The following PSD3 variants were observed in gnomAD, a reference collection of about 807,000 sequenced individuals.
The protein encoded by PSD3 is pleckstrin and Sec7 domain containing 3.
A neutral mutation model predicts 105.5 loss-of-function variants in PSD3; 49 were observed. The ratio of observed to expected loss-of-function variants is 0.46; its 90% CI spans 0.37 to 0.59. PSD3 has a LOEUF of 0.59. Ranked by LOEUF, PSD3 falls within the 20% of genes least tolerant of loss-of-function variation. The probability of loss-of-function intolerance (pLI) is 0.00; values close to 1 mark genes in which losing one functional copy is unlikely to be tolerated. For missense variants in PSD3, 1,561 were observed against 1,263.8 expected, an observed-to-expected ratio of 1.24 and a Z score of -3.57; for synonymous variants, 557 against 457.8, an observed-to-expected ratio of 1.22 and a Z score of -2.77.
chr8:18,620,325 A>C (rs1455368761), intron 11 of PSD3, among the ~76,000 whole-genome samples: 1 of 148,222 alleles, frequency 6.7e-6, no homozygotes, highest in East Asian at 2.0e-4. Context: ...TACTTACTGA[A>C]GGGTTCTTGG....
rs1461583155 is a variant in PSD3, at chr8:18,528,037, C to T, written c.*7706G>A. The T allele has an allele frequency of 6.6e-6, 1 of 152,166 alleles. No homozygotes were observed. Among genetic ancestry groups the T allele is most frequent in the African/African-American group, 2.4e-5 (1 of 41,434 alleles). The allele number at this position is 152,166 out of a possible 1,614,324, so 9.4% of individuals were successfully genotyped here. A position where few individuals can be genotyped will look rare whatever the true frequency, so the allele number is the denominator to read the frequency against. On this transcript the variant is annotated 3_prime_UTR_variant, in exon 16 of 16. Transcript: ENST00000327040. ...AATATAACTCAGTTATTATAATAGGCTGGAAAAGTTAAAAGCTTCTTTTAT... is the reference window on the plus strand; with the variant it reads ...AATATAACTCAGTTATTATAATAGGTTGGAAAAGTTAAAAGCTTCTTTTAT...
At chr8:18,989,037 G>A (rs1586585777) in intron 1 of PSD3, among the ~76,000 whole-genome samples, 1 of 152,130 alleles carries the variant, frequency 6.6e-6, no homozygotes. Context: ...GGGTTCCGTA[G>A]GTATTCTTTT....
At chr8:18,965,012 A>G (rs1824151207) in intron 1 of PSD3, among the ~76,000 whole-genome samples, 1 of 152,228 alleles carries the variant, frequency 6.6e-6, no homozygotes, top group South Asian at 2.1e-4. Flanking sequence ...CGGCTCATAA[A>G]AAGGTTCATT....
At chr8:18,638,257 G>A (rs1367216094) in intron 10 of PSD3, among the ~76,000 whole-genome samples, 1 of 148,216 alleles carries the variant, frequency 6.7e-6, no homozygotes, top group African/African-American at 2.5e-5. Context: ...CCATGAACAA[G>A]ACAAGAATGC....
chr8:18,630,797 T>C (rs918296583), intron 11 of PSD3, among the ~76,000 whole-genome samples: 2 of 151,992 alleles, frequency 1.3e-5, no homozygotes, highest in African/African-American at 2.4e-5. Context: ...GCATTGAATA[T>C]GTACAGACTT....
intron 1 of PSD3, among the ~76,000 whole-genome samples, chr8:18,995,660 T>C (rs765235171): frequency 2.6e-5 from 4 of 152,024 alleles, no homozygotes; most frequent in Non-Finnish European, 5.9e-5. Context: ...GTTTAATTGA[T>C]GCACAGCTCA....
chr8:18,879,051 AACACACACACACAC>A (rs59598569), intron 2 of PSD3, among the ~76,000 whole-genome samples: 2 of 138,580 alleles, frequency 1.4e-5, no homozygotes, highest in Admixed American at 1.4e-4. Flanking sequence ...CACACACACA[AACACACACACACAC>A]ACACACACAC....
intron 9 of PSD3, chr8:18,732,824 T>G (rs771715256): frequency 2.6e-5 from 4 of 152,126 alleles, no homozygotes; most frequent in Admixed American, 1.3e-4. Flanking sequence ...TTCCTTTTTT[T>G]TTTATTTTTT....
At chr8:18,536,306 G>A (rs534827946) in intron 15 of PSD3, among the ~76,000 whole-genome samples, 23 of 152,284 alleles carry the variant, frequency 1.5e-4, no homozygotes, top group East Asian at 1.4e-3. Flanking sequence ...GGTTTTCGGC[G>A]GCTGCATGGC....
Position 18,652,493 on chromosome 8 carries a change from G to GTTTTTT in PSD3, c.2216+3143_2216+3148dup, listed in dbSNP as rs67555804. Among the ~76,000 whole-genome samples the GTTTTTT allele has an allele frequency of 2.9e-3, 273 of 92,580 alleles. 22 individuals carry two copies. The highest frequency in any genetic ancestry group is 9.1e-3 in the African/African-American group (212 of 23,182). The allele number at this position is 92,580 out of a possible 152,430, so 60.7% of individuals were successfully genotyped here. On this transcript the variant is annotated intron_variant, in intron 10 of 15. Coordinates refer to ENST00000327040, the MANE Select transcript of PSD3 (RefSeq NM_015310.4). Reference sequence around the variant, plus strand: ...ACACTTTTATCAAGGAAAAAGCTTAGTTTTTTTTTTTTTTTTTTTTTTGAG... The same window carrying GTTTTTT: ...ACACTTTTATCAAGGAAAAAGCTTAGTTTTTTTTTTTTTTTTTTTTTTTTTTTTGAG...
rs148319884 is a variant in PSD3 at position 18,929,374 on chromosome 8, T to C, written c.130+6660A>G. Reference sequence around the variant, plus strand: ...CCACAGAGAAGCTAGAAACCCAGAGTTGGCAGGTCTCCAGATCTGGAATGG... The same window carrying C: ...CCACAGAGAAGCTAGAAACCCAGAGCTGGCAGGTCTCCAGATCTGGAATGG... On this transcript the variant is annotated intron_variant, in intron 2 of 15. Transcript: ENST00000327040. Among the ~76,000 whole-genome samples the C allele has an allele frequency of 8.6e-3, 1,299 of 151,110 alleles. 5 individuals are homozygous for C. The highest frequency in any genetic ancestry group is 0.012 in the Non-Finnish European group (845 of 67,748).
chr8:18,694,604 C>A (rs1403383802), intron 9 of PSD3, among the ~76,000 whole-genome samples: 4 of 84,966 alleles, frequency 4.7e-5, no homozygotes, highest in Non-Finnish European at 4.6e-5. Context: ...AGTGAGACTG[C>A]ATCTCCGAAA....
chr8:18,756,140 G>A (rs1806026639), intron 9 of PSD3, among the ~76,000 whole-genome samples: 1 of 152,124 alleles, frequency 6.6e-6, no homozygotes, highest in African/African-American at 2.4e-5. Flanking sequence ...TTCCTCCATG[G>A]ATACTGTTGC....
At chr8:18,560,144 T>C (rs1801306941) in intron 14 of PSD3, among the ~76,000 whole-genome samples, 1 of 150,412 alleles carries the variant, frequency 6.6e-6, no homozygotes, top group Non-Finnish European at 1.5e-5. Flanking sequence ...ATTCCAGTGC[T>C]AGAATCCCAT....
chr8:18,687,485 GTTTT>G (rs147651057), intron 9 of PSD3, among the ~76,000 whole-genome samples: 1 of 145,936 alleles, frequency 6.9e-6, no homozygotes, highest in Non-Finnish European at 1.5e-5. Context: ...AAATTTAGCA[GTTTT>G]TTTTTTTTCT....
At chr8:18,746,529 CA>C (rs1478360519) in intron 9 of PSD3, among the ~76,000 whole-genome samples, 1 of 151,980 alleles carries the variant, frequency 6.6e-6, no homozygotes, top group Non-Finnish European at 1.5e-5. Flanking sequence ...TGTTGCTGGT[CA>C]GGGGTCCCCA....
Position 18,529,906 on chromosome 8 carries a change from G to A in PSD3, c.*5837C>T, listed in dbSNP as rs562439917. On this transcript the variant is annotated 3_prime_UTR_variant, in exon 16 of 16. Coordinates refer to ENST00000327040, the MANE Select transcript of PSD3 (RefSeq NM_015310.4). ...ACCCTGCCAATCATTCACAGAGCCA[G>A]TCCACTGCACGTCAAGAACCAATTA... is the stretch of plus-strand genomic sequence containing the variant. 1 of 152,354 alleles carries A rather than the reference G, an allele frequency of 6.6e-6. No individual in the cohort carries two copies. The highest frequency in any genetic ancestry group is 1.5e-5 in the Non-Finnish European group (1 of 68,036). 9.4% of individuals were successfully genotyped at this position (152,354 alleles called of 1,614,324 possible). A position where few individuals can be genotyped will look rare whatever the true frequency, so the allele number is the denominator to read the frequency against.
chr8:18,977,359 A>G (rs1020441735), intron 1 of PSD3, among the ~76,000 whole-genome samples: 11 of 152,004 alleles, frequency 7.2e-5, no homozygotes, highest in Admixed American at 2.6e-4. Flanking sequence ...TAGCCTCAGT[A>G]TCCTCATCTG....
intron 1 of PSD3, among the ~76,000 whole-genome samples, chr8:19,006,620 G>C (rs1826695173): frequency 6.6e-6 from 1 of 152,072 alleles, no homozygotes; most frequent in South Asian, 2.1e-4. Context: ...TTCCAGACTT[G>C]TCACTACAGA....
Sources: gnomAD v4.1 joint callset for allele counts (sites outside exome capture counted in the v4.1 genomes callset) on GRCh38, gnomAD v4.1.1 for gene constraint, MANE v1.5 for transcripts, NCBI Gene and HGNC (gene_info 2026-07-23, HGNC 2026-07-21) for gene names.